FBXL7: variants seen among roughly 807,000 people sequenced by gnomAD.
FBXL7 encodes the protein F-box and leucine rich repeat protein 7, also known as F-box/LRR-repeat protein 7.
FBXL7 carries 12 observed loss-of-function variants against 38.3 expected under a neutral mutation model. The ratio of observed to expected loss-of-function variants is 0.31; its 90% CI spans 0.20 to 0.51. The LOEUF (loss-of-function observed/expected upper bound fraction) is 0.51, where lower values mean the gene tolerates loss of function less well. Among genes scored for constraint, FBXL7 ranks in the 20% least tolerant of loss-of-function variants. The pLI, the probability that FBXL7 is intolerant of heterozygous loss-of-function variation, is 0.98. For missense variants in FBXL7, 567 were observed against 676.4 expected (o/e 0.84, Z 1.79); for synonymous variants, 297 against 300.9 (o/e 0.99, Z 0.13).
intron 1 of FBXL7, among the ~76,000 whole-genome samples, chr5:15,539,169 A>G (rs1256702430): frequency 6.6e-6 from 1 of 152,230 alleles, no homozygotes; most frequent in African/African-American, 2.4e-5. Flanking sequence ...TAATGGCAAT[A>G]AAAATGCAAC....
At chr5:15,533,994 T>C (rs1326024241) in intron 1 of FBXL7, among the ~76,000 whole-genome samples, 1 of 152,170 alleles carries the variant, frequency 6.6e-6, no homozygotes, top group African/African-American at 2.4e-5. Context: ...ATTACTTAAA[T>C]CTATTTATGA....
At position 15,939,449 on chromosome 5, in the gene FBXL7, A is replaced by G. The variant is rs73752391; in HGVS notation, c.*2263A>G. ...CCGCATCACCTAAACTGTCTTCCAA[A>G]CATGAGACAAAGCTGACTGTTCACA... On this transcript the variant is annotated 3_prime_UTR_variant, in exon 4 of 4. Transcript: ENST00000504595. 0.059 allele frequency: 9,511 copies of G among 162,268 alleles called. 403 individuals carry two copies. Among genetic ancestry groups the G allele is most frequent in the African/African-American group, 0.13 (5,274 of 42,048 alleles). 10.1% of individuals were successfully genotyped at this position (162,268 alleles called of 1,614,324 possible). A position where few individuals can be genotyped will look rare whatever the true frequency, so the allele number is the denominator to read the frequency against.
chr5:15,914,334 C>T (rs569282644), intron 2 of FBXL7, among the ~76,000 whole-genome samples: 41 of 147,164 alleles, frequency 2.8e-4, no homozygotes, highest in Middle Eastern at 3.5e-3. Flanking sequence ...TGCAGTGAGC[C>T]GAGATCGCGC....
chr5:15,511,455 G>C (rs1269619039), intron 1 of FBXL7, among the ~76,000 whole-genome samples: 1 of 152,218 alleles, frequency 6.6e-6, no homozygotes, highest in African/African-American at 2.4e-5. Flanking sequence ...GGGCTGAGAA[G>C]AGTGTACACA....
intron 2 of FBXL7, among the ~76,000 whole-genome samples, chr5:15,795,327 A>G (rs544550206): frequency 9.0e-4 from 137 of 152,320 alleles, no homozygotes; most frequent in African/African-American, 3.2e-3. Context: ...TCATCATTTG[A>G]CTAGATTTTT....
At chr5:15,868,635 A>T (rs925238046) in intron 2 of FBXL7, among the ~76,000 whole-genome samples, 1 of 152,202 alleles carries the variant, frequency 6.6e-6, no homozygotes, top group Non-Finnish European at 1.5e-5. Flanking sequence ...AGCACTCAGA[A>T]GATGGTTGGC....
At chr5:15,809,658 A>C (rs1045982151) in intron 2 of FBXL7, among the ~76,000 whole-genome samples, 1 of 152,174 alleles carries the variant, frequency 6.6e-6, no homozygotes, top group Non-Finnish European at 1.5e-5. Flanking sequence ...TTAAAGAAAA[A>C]AAAAAGCTTT....
chr5:15,736,994 A>T (rs900351092), intron 2 of FBXL7, among the ~76,000 whole-genome samples: 1 of 152,154 alleles, frequency 6.6e-6, no homozygotes, highest in Non-Finnish European at 1.5e-5. Context: ...ATAACAACTC[A>T]TGAGGTAGAT....
intron 1 of FBXL7, among the ~76,000 whole-genome samples, chr5:15,546,656 A>G (rs1278066749): frequency 6.6e-6 from 1 of 152,184 alleles, no homozygotes; most frequent in Non-Finnish European, 1.5e-5. Flanking sequence ...ACTTGAACCT[A>G]TGAGGTGGAA....
chr5:15,754,487 G>A (rs1295556325), intron 2 of FBXL7, among the ~76,000 whole-genome samples: 2 of 152,166 alleles, frequency 1.3e-5, no homozygotes, highest in Admixed American at 6.5e-5. Context: ...TGAGATCAGT[G>A]TAAATGATGT....
At chr5:15,528,373 G>T (rs545117069) in intron 1 of FBXL7, among the ~76,000 whole-genome samples, 1 of 152,024 alleles carries the variant, frequency 6.6e-6, no homozygotes, top group African/African-American at 2.4e-5. Context: ...CTCACATCTT[G>T]GTTCTCACAT....
intron 1 of FBXL7, among the ~76,000 whole-genome samples, chr5:15,568,376 G>A (rs1738657075): frequency 6.6e-6 from 1 of 152,082 alleles, no homozygotes; most frequent in Non-Finnish European, 1.5e-5. Context: ...GTGTCTTTTG[G>A]CTGCATAAAT....
At chr5:15,507,593 T>C (rs1188568103) in intron 1 of FBXL7, among the ~76,000 whole-genome samples, 1 of 152,236 alleles carries the variant, frequency 6.6e-6, no homozygotes, top group African/African-American at 2.4e-5. Context: ...TTATGCATTT[T>C]AAGATGGCCT....
At chr5:15,794,721 T>G (rs1288812265) in intron 2 of FBXL7, among the ~76,000 whole-genome samples, 1 of 152,182 alleles carries the variant, frequency 6.6e-6, no homozygotes, top group Admixed American at 6.5e-5. Flanking sequence ...TTAACAACTT[T>G]GGGATACAAG....
At chr5:15,635,513 C>T (rs1248569208) in intron 2 of FBXL7, among the ~76,000 whole-genome samples, 1 of 152,122 alleles carries the variant, frequency 6.6e-6, no homozygotes, top group African/African-American at 2.4e-5. Context: ...ATTGATGACC[C>T]TGCTCCATGG....
chr5:15,575,577 T>TA (rs1339076133), intron 1 of FBXL7, among the ~76,000 whole-genome samples: 5 of 152,234 alleles, frequency 3.3e-5, no homozygotes, highest in African/African-American at 1.2e-4. Flanking sequence ...CTTCATATTA[T>TA]AAGTCTGTGA....
rs1044355383 is a variant in FBXL7 at position 15,510,065 on chromosome 5, G to A, written c.37+9352G>A. ...TTCTGGAACTGCAAATCTCTATTAG[G>A]TTGTGAATTACATTTACTCATTCTA... On this transcript the variant is annotated intron_variant, in intron 1 of 3. Transcript: ENST00000504595. Among the ~76,000 whole-genome samples, 4 of 152,178 alleles carry A rather than the reference G, an allele frequency of 2.6e-5. 1 individual carries two copies. Among genetic ancestry groups the A allele is most frequent in the African/African-American group, 7.2e-5 (3 of 41,438 alleles).
intron 2 of FBXL7, among the ~76,000 whole-genome samples, chr5:15,812,649 T>G (rs1205677141): frequency 6.6e-6 from 1 of 152,142 alleles, no homozygotes; most frequent in Non-Finnish European, 1.5e-5. Flanking sequence ...TTAAAGTAGT[T>G]TTTTCTAATT....
intron 2 of FBXL7, among the ~76,000 whole-genome samples, chr5:15,665,499 G>A (rs909810285): frequency 6.6e-6 from 1 of 152,110 alleles, no homozygotes; most frequent in Non-Finnish European, 1.5e-5. Flanking sequence ...TTCTTAGATG[G>A]GGTTTACAAT....
Sources: gnomAD v4.1 joint callset for allele counts (sites outside exome capture counted in the v4.1 genomes callset) on GRCh38, gnomAD v4.1.1 for gene constraint, MANE v1.5 for transcripts, NCBI Gene and HGNC (gene_info 2026-07-23, HGNC 2026-07-21) for gene names.